The following ELAPOR1 variants were observed in gnomAD, a reference collection of about 807,000 sequenced individuals.
ELAPOR1 encodes the protein endosome/lysosome-associated apoptosis and autophagy regulator 1.
ELAPOR1 carries 77 observed loss-of-function variants against 119.7 expected under a neutral mutation model. The ratio of observed to expected loss-of-function variants is 0.64; its 90% CI spans 0.54 to 0.78. The LOEUF (loss-of-function observed/expected upper bound fraction) is 0.78, where lower values mean the gene tolerates loss of function less well. Among genes scored for constraint, ELAPOR1 ranks in the 30% least tolerant of loss-of-function variants. The pLI is 0.00. For missense variants in ELAPOR1, 1,115 were observed against 1,270.4 expected (o/e 0.88, Z 1.86); for synonymous variants, 481 against 487.2 (o/e 0.99, Z 0.17).
At position 109,200,165 on chromosome 1, in the gene ELAPOR1, G is replaced by T; in HGVS notation, c.2735G>T (p.Gly912Val). ...CKTIDFWLKV[G>V]ISAGTCTAIL... is the part of the protein sequence containing the mutation. ...ACCATAGATTTCTGGCTGAAAGTGG[G>T]CATCTCTGCAGGCACCTGTACTGCC... The change falls in exon 20 of 22, where the codon GGC becomes GTC. Residue 912 changes from glycine to valine, a missense_variant. Coordinates refer to ENST00000369939, the MANE Select transcript of ELAPOR1 (RefSeq NM_020775.5). The T allele has an allele frequency of 6.2e-7, 1 of 1,614,212 alleles. No homozygotes were observed. Among genetic ancestry groups the T allele is most frequent in the Non-Finnish European group, 8.5e-7 (1 of 1,180,042 alleles).
At chr1:109,176,351 AG>A (rs1201049914) in intron 7 of ELAPOR1, among the ~76,000 whole-genome samples, 1 of 152,202 alleles carries the variant, frequency 6.6e-6, no homozygotes, top group Non-Finnish European at 1.5e-5. Context: ...TCTTTTCCCC[AG>A]AAACACTCAC....
intron 1 of ELAPOR1, among the ~76,000 whole-genome samples, chr1:109,150,438 C>A (rs2101018210): frequency 6.6e-6 from 1 of 152,292 alleles, no homozygotes; most frequent in East Asian, 1.9e-4. Context: ...CCAGCAAAGG[C>A]CGGCAGGACT....
intron 1 of ELAPOR1, among the ~76,000 whole-genome samples, chr1:109,132,155 C>CT (rs377413067): frequency 8.9e-4 from 132 of 147,888 alleles, no homozygotes; most frequent in African/African-American, 2.0e-3. Context: ...ACCAACCAGG[C>CT]TTTTTTTTTT....
chr1:109,122,996 C>T (rs557704235), intron 1 of ELAPOR1, among the ~76,000 whole-genome samples: 1 of 152,282 alleles, frequency 6.6e-6, no homozygotes, highest in East Asian at 1.9e-4. Context: ...CACCCTGAGG[C>T]TTATTGTCTT....
At chr1:109,157,091 G>A (rs990596179) in intron 1 of ELAPOR1, among the ~76,000 whole-genome samples, 2 of 152,158 alleles carry the variant, frequency 1.3e-5, no homozygotes, top group African/African-American at 4.8e-5. Context: ...GGCCTTGTTT[G>A]CAAAATTTTT....
At chr1:109,191,225 G>A (rs1235179285) in intron 11 of ELAPOR1, 141 bp from the exon 12 acceptor site, 2 of 587,436 alleles carry the variant, frequency 3.4e-6, no homozygotes, top group African/African-American at 1.9e-5. Context: ...AGCTAGGAGG[G>A]CAGAATTGGA....
intron 2 of ELAPOR1, 130 bp from the exon 3 acceptor site, chr1:109,164,369 G>T: frequency 1.4e-6 from 1 of 718,266 alleles, no homozygotes; most frequent in East Asian, 2.7e-5. Context: ...AAATGCCATG[G>T]CCCTAAATCT....
chr1:109,192,747 C>G lies in ELAPOR1; in HGVS notation c.1820C>G (p.Ala607Gly). 6.2e-7 allele frequency: 1 copy of G among 1,614,092 alleles called. No individual in the cohort carries two copies. ...DVGSSCTSCP[A>G]GYYIDRDSGT... ...GGCTCCTCCTGCACCTCTTGTCCTG[C>G]TGGTTACTATATTGACCGAGATTCA... is the stretch of plus-strand genomic sequence containing the variant. Residue 607 changes from alanine (A) to glycine (G), a missense_variant, in exon 14 of 22, where the codon GCT (alanine) becomes GGT (glycine). Physicochemically the swap from Ala to Gly is moderately conservative, Grantham distance 60. Coordinates refer to ENST00000369939, the MANE Select transcript of ELAPOR1 (RefSeq NM_020775.5).
At chr1:109,136,325 T>C (rs1335597445) in intron 1 of ELAPOR1, among the ~76,000 whole-genome samples, 1 of 152,118 alleles carries the variant, frequency 6.6e-6, no homozygotes, top group Non-Finnish European at 1.5e-5. Context: ...GAAAATGCTG[T>C]GTGAGAGTTG....
chr1:109,171,771 T>C (rs1651939757), intron 3 of ELAPOR1, 95 bp from the exon 4 acceptor site: 5 of 1,318,228 alleles, frequency 3.8e-6, no homozygotes, highest in South Asian at 1.4e-5. Flanking sequence ...AGCCTGAAAA[T>C]TCCCAAAGAC....
chr1:109,167,845 A>C (rs1294904910), intron 3 of ELAPOR1, among the ~76,000 whole-genome samples: 1 of 152,114 alleles, frequency 6.6e-6, no homozygotes, highest in African/African-American at 2.4e-5. Flanking sequence ...CTGGGCTCAA[A>C]TGATCCTTCC....
intron 1 of ELAPOR1, among the ~76,000 whole-genome samples, chr1:109,126,289 C>T (rs1302926506): frequency 6.6e-6 from 1 of 151,980 alleles, no homozygotes; most frequent in Non-Finnish European, 1.5e-5. Flanking sequence ...GGACAGAAGG[C>T]CAGTGTGGCT....
chr1:109,201,015 C>T (rs113492649), intron 21 of ELAPOR1, 115 bp downstream of exon 21: 26 of 926,776 alleles, frequency 2.8e-5, no homozygotes, highest in African/African-American at 6.6e-5. Context: ...TCCCCACGCC[C>T]GATACAATTC....
chr1:109,136,303 C>CGAAT (rs1649463055), intron 1 of ELAPOR1, among the ~76,000 whole-genome samples: 1 of 152,106 alleles, frequency 6.6e-6, no homozygotes, highest in Non-Finnish European at 1.5e-5. Flanking sequence ...TGGACAGAGA[C>CGAAT]GAATGCACAG....
At chr1:109,186,560 T>TC (rs1653057715) in intron 8 of ELAPOR1, 1 of 985,366 alleles carries the variant, frequency 1.0e-6, no homozygotes, top group Admixed American at 6.1e-5. Flanking sequence ...TGGGGCATCA[T>TC]CCCCTTCTCC....
intron 1 of ELAPOR1, among the ~76,000 whole-genome samples, chr1:109,149,176 T>C (rs562702447): frequency 3.3e-5 from 5 of 152,224 alleles, no homozygotes; most frequent in Admixed American, 2.0e-4. Context: ...CAGGGGAAAC[T>C]GAGGAGGGGC....
At position 109,156,126 on chromosome 1, in the gene ELAPOR1, C is replaced by T. The variant is rs1007937347; in HGVS notation, c.154-5768C>T. 3.3e-5 allele frequency among the ~76,000 whole-genome samples: 5 copies of T among 152,170 alleles called. No individual in the cohort carries two copies. In the Middle Eastern group the frequency reaches 0.01, roughly 311 times the overall value. ...CACCACTGCACTCAAGCCTGGGCAA[C>T]AGAGTAAGACACCATCTCTAAATAT... On this transcript the variant is annotated intron_variant, in intron 1 of 21. Transcript: ENST00000369939.
intron 1 of ELAPOR1, among the ~76,000 whole-genome samples, chr1:109,134,355 C>T (rs538295735): frequency 2.0e-4 from 30 of 152,276 alleles, no homozygotes; most frequent in African/African-American, 7.0e-4. Flanking sequence ...CATAGGTTCT[C>T]CAGGTGGAGC....
intron 14 of ELAPOR1, among the ~76,000 whole-genome samples, 163 bp downstream of exon 14, chr1:109,193,037 TG>T (rs2101118697): frequency 1.3e-5 from 2 of 152,096 alleles, no homozygotes; most frequent in South Asian, 4.2e-4. Flanking sequence ...GCTGTGACTG[TG>T]GAGGGTTAGC....
Sources: gnomAD v4.1 joint callset for allele counts (sites outside exome capture counted in the v4.1 genomes callset) on GRCh38, gnomAD v4.1.1 for gene constraint, MANE v1.5 for transcripts, NCBI Gene and HGNC (gene_info 2026-07-23, HGNC 2026-07-21) for gene names.